Variants in SLC7A11 observed in about 807,000 individuals in gnomAD.
The protein encoded by SLC7A11 is solute carrier family 7 member 11.
SLC7A11 carries 35 observed loss-of-function variants against 54.5 expected under a neutral mutation model. The ratio of observed to expected loss-of-function variants is 0.64; its 90% CI spans 0.49 to 0.85. The LOEUF (loss-of-function observed/expected upper bound fraction) is 0.85. SLC7A11 is among the 40% of genes least tolerant of loss of function. The pLI, the probability that SLC7A11 is intolerant of heterozygous loss-of-function variation, is 0.00. For synonymous variants in SLC7A11, 230 were observed against 225.2 expected, an observed-to-expected ratio of 1.02 and a Z score of -0.19; for missense variants, 583 against 618.1, an observed-to-expected ratio of 0.94 and a Z score of 0.60.
At chr4:138,197,292 T>A (rs982553720) in intron 6 of SLC7A11, among the ~76,000 whole-genome samples, 1 of 152,086 alleles carries the variant, frequency 6.6e-6, no homozygotes, top group African/African-American at 2.4e-5. Flanking sequence ...AATACTTCCA[T>A]TAACATTTTG....
Position 138,236,370 on chromosome 4 carries a change from GGACC to G in SLC7A11, c.355_358del (p.Gly119HisfsTer14). ...CCAGACTCGTACAAAAGCTGGTAAT[GGACC>G]AAAGACTTCCAAAATATATGTGTAA... On this transcript the variant is annotated frameshift_variant, in exon 2 of 12. Transcript: ENST00000280612. LOFTEE classifies it high-confidence loss of function. The G allele has an allele frequency of 2.5e-6, 4 of 1,613,204 alleles. No homozygotes were observed. Among genetic ancestry groups the G allele is most frequent in the Non-Finnish European group, 3.4e-6 (4 of 1,179,360 alleles).
In SLC7A11 at chr4:138,242,099, A is replaced by G; in HGVS notation, c.-30T>C. 1 of 1,604,964 alleles carries G rather than the reference A, an allele frequency of 6.2e-7. No individual in the cohort carries two copies. On this transcript the variant is annotated 5_prime_UTR_variant, in exon 1 of 12. Coordinates refer to ENST00000280612, the MANE Select transcript of SLC7A11 (RefSeq NM_014331.4). ...GGGACACACGGGGGAAAAATAAAAC[A>G]GAGGGAAAGAAAACAAAACTTTCAA... is the stretch of plus-strand genomic sequence containing the variant.
intron 6 of SLC7A11, among the ~76,000 whole-genome samples, chr4:138,207,113 T>C (rs1737429136): frequency 6.6e-6 from 1 of 151,956 alleles, no homozygotes; most frequent in Non-Finnish European, 1.5e-5. Flanking sequence ...TTGTCATTAG[T>C]AAAAAGATGC....
intron 10 of SLC7A11, among the ~76,000 whole-genome samples, chr4:138,179,937 A>T (rs966264424): frequency 2.0e-5 from 3 of 152,170 alleles, no homozygotes; most frequent in African/African-American, 7.2e-5. Context: ...GAATATTACT[A>T]GAAACAAATC....
At chr4:138,223,920 C>T (rs931555629) in intron 3 of SLC7A11, among the ~76,000 whole-genome samples, 2 of 152,162 alleles carry the variant, frequency 1.3e-5, no homozygotes, top group African/African-American at 4.8e-5. Flanking sequence ...TGTTTCAGGG[C>T]TTCAGCACAA....
At chr4:138,177,683 C>T (rs1333366735) in intron 11 of SLC7A11, 1 of 152,078 alleles carries the variant, frequency 6.6e-6, no homozygotes, top group East Asian at 1.9e-4. Flanking sequence ...TTGAGGATTG[C>T]TTGAGATGAT....
intron 5 of SLC7A11, among the ~76,000 whole-genome samples, chr4:138,217,636 A>G (rs1410860937): frequency 3.9e-5 from 6 of 152,234 alleles, no homozygotes; most frequent in Non-Finnish European, 8.8e-5. Context: ...AATTTCATTC[A>G]ACAGAATTAA....
chr4:138,224,828 A>AAGGAAGGG (rs1383020055), intron 3 of SLC7A11, among the ~76,000 whole-genome samples: 2 of 143,018 alleles, frequency 1.4e-5, no homozygotes, highest in African/African-American at 5.8e-5. Flanking sequence ...GGAAGGAAGG[A>AAGGAAGGG]AGGAAGGAAG....
At chr4:138,188,139 C>A (rs1247132393) in intron 6 of SLC7A11, among the ~76,000 whole-genome samples, 1 of 152,186 alleles carries the variant, frequency 6.6e-6, no homozygotes, top group Non-Finnish European at 1.5e-5. Flanking sequence ...TCTCAGCTCA[C>A]TGCAACTGCT....
chr4:138,207,687 C>G (rs7440857), intron 6 of SLC7A11, among the ~76,000 whole-genome samples: 62,075 of 151,942 alleles, frequency 0.41, 13,595 homozygotes, highest in Middle Eastern at 0.6. Flanking sequence ...CTGGGCAGCA[C>G]AGTAAGTGAG....
At position 138,168,528 on chromosome 4, in the gene SLC7A11, G is replaced by C. The variant is rs1736326732; in HGVS notation, c.*3428C>G. On this transcript the variant is annotated 3_prime_UTR_variant, in exon 12 of 12. Transcript: ENST00000280612. The stretch of plus-strand genomic sequence containing the variant: ...CCTGTAGACTGATTACAGTTCATGA[G>C]GAATTCTGTTATGTAATTATACTCT... The C allele has an allele frequency of 6.6e-6, 1 of 152,132 alleles. No homozygotes were observed. The highest frequency in any genetic ancestry group is 1.5e-5 in the Non-Finnish European group (1 of 68,024). The allele number at this position is 152,132 out of a possible 1,614,324, so 9.4% of individuals were successfully genotyped here.
chr4:138,183,881 C>A lies in SLC7A11; in HGVS notation c.916-576G>T, dbSNP rs575918597. Among the ~76,000 whole-genome samples the A allele has an allele frequency of 9.9e-5, 15 of 152,230 alleles. No homozygotes were observed. The South Asian group carries it at 2.1e-3, about 21-fold the overall frequency. ...CTGTTTATAAAGTCCCTCCCTCCCC[C>A]TCATGTATGTGTCAATTTCTTTTGT... On this transcript the variant is annotated intron_variant, in intron 7 of 11. Coordinates refer to ENST00000280612, the MANE Select transcript of SLC7A11 (RefSeq NM_014331.4).
At chr4:138,240,390 C>A (rs1385653558) in intron 1 of SLC7A11, among the ~76,000 whole-genome samples, 1 of 151,748 alleles carries the variant, frequency 6.6e-6, no homozygotes, top group Non-Finnish European at 1.5e-5. Context: ...CATGGTGAAA[C>A]CCCATCTCTA....
chr4:138,219,447 A>G, intron 4 of SLC7A11, 82 bp from the exon 5 acceptor site: 1 of 765,540 alleles, frequency 1.3e-6, no homozygotes, highest in South Asian at 1.6e-5. Flanking sequence ...GGGGGTGCGG[A>G]GAAACATACT....
rs1248555102 is a variant in SLC7A11, at chr4:138,180,711, A to C, written c.1196T>G (p.Phe399Cys). 1 of 1,613,058 alleles carries C rather than the reference A, an allele frequency of 6.2e-7. No individual in the cohort carries two copies. The highest frequency in any genetic ancestry group is 1.7e-5 in the Admixed American group (1 of 59,868). ...LNFLSFARWL[F>C]IGLAVAGLIY... ...CAGCCCAGCAACTGCCAGCCCAATA[A>C]AAAGCCACCTGGCAAAACTGAGGAA... The change falls in exon 10 of 12, where the codon TTT (phenylalanine) becomes TGT (cysteine). Residue 399 changes from phenylalanine to cysteine, a missense_variant. Phe to Cys is a radical substitution (Grantham distance 205). Transcript: ENST00000280612.
rs571402530 is a variant in SLC7A11, at chr4:138,175,597, G to A, written c.1445-3580C>T. 2.6e-5 allele frequency: 4 copies of A among 152,214 alleles called. No homozygotes were observed. The South Asian group carries it at 8.3e-4, about 32-fold the overall frequency. 9.4% of individuals were successfully genotyped at this position (152,214 alleles called of 1,614,324 possible). Reference sequence around the variant, plus strand: ...AAGAATAAACCACTCTGTCACAGATGGCAGAAAAAAGCTTTCCGTGTATCT... The same window carrying A: ...AAGAATAAACCACTCTGTCACAGATAGCAGAAAAAAGCTTTCCGTGTATCT... On this transcript the variant is annotated intron_variant, in intron 11 of 11. Transcript: ENST00000280612.
intron 6 of SLC7A11, among the ~76,000 whole-genome samples, chr4:138,208,249 A>G (rs569149274): frequency 1.3e-5 from 2 of 152,206 alleles, no homozygotes; most frequent in Admixed American, 6.6e-5. Context: ...TTCAAAAATG[A>G]CTGATGATAT....
At chr4:138,183,669 A>T (rs899938218) in intron 7 of SLC7A11, among the ~76,000 whole-genome samples, 1 of 152,166 alleles carries the variant, frequency 6.6e-6, no homozygotes, top group African/African-American at 2.4e-5. Context: ...TCTGTATAAT[A>T]CGTTCTCTTT....
Position 138,166,511 on chromosome 4 carries a change from A to C in SLC7A11, c.*5445T>G, listed in dbSNP as rs373302232. ...ACTTAGCAAGCAGTTCTCCTAACCA[A>C]TACATTAATTCACTTGAAAGTCATA... On this transcript the variant is annotated 3_prime_UTR_variant, in exon 12 of 12. Coordinates refer to ENST00000280612, the MANE Select transcript of SLC7A11 (RefSeq NM_014331.4). The C allele has an allele frequency of 1.3e-5, 2 of 152,602 alleles. No homozygotes were observed. Among genetic ancestry groups the C allele is most frequent in the African/African-American group, 4.8e-5 (2 of 41,446 alleles). 9.5% of individuals were successfully genotyped at this position (152,602 alleles called of 1,614,324 possible).
Sources: gnomAD v4.1 joint callset for allele counts (sites outside exome capture counted in the v4.1 genomes callset) on GRCh38, gnomAD v4.1.1 for gene constraint, MANE v1.5 for transcripts, NCBI Gene and HGNC (gene_info 2026-07-23, HGNC 2026-07-21) for gene names.